SLC3A2: variants seen among roughly 807,000 people sequenced by gnomAD.
The protein encoded by SLC3A2 is amino acid transporter heavy chain SLC3A2.
A neutral mutation model predicts 48.5 loss-of-function variants in SLC3A2; 32 were observed. That is an observed-to-expected ratio of 0.66 (90% CI 0.50 to 0.89). SLC3A2 has a LOEUF of 0.89. SLC3A2 is among the 40% of genes least tolerant of loss of function. The pLI is 0.00. For missense variants in SLC3A2, 587 were observed against 680.7 expected (o/e 0.86, Z 1.53); for synonymous variants, 277 against 288.8 (o/e 0.96, Z 0.41).
At chr11:62,873,850 T>TGGGACCCC (rs2085543029) in intron 1 of SLC3A2, among the ~76,000 whole-genome samples, 2 of 148,298 alleles carry the variant, frequency 1.3e-5, no homozygotes, top group African/African-American at 2.4e-5. Flanking sequence ...TTGCCCAGGC[T>TGGGACCCC]AGAGTGCAGT....
intron 7 of SLC3A2, 82 bp from the exon 8 acceptor site, chr11:62,888,053 T>C (rs2085737575): frequency 3.1e-6 from 4 of 1,294,686 alleles, no homozygotes; most frequent in Middle Eastern, 5.2e-4. Flanking sequence ...GGCCTTGACC[T>C]CCCAGACTGC....
chr11:62,856,938 CT>C (rs1321105639), intron 1 of SLC3A2, among the ~76,000 whole-genome samples: 1 of 151,480 alleles, frequency 6.6e-6, no homozygotes, highest in Non-Finnish European at 1.5e-5. Context: ...ATTCTCCTGC[CT>C]CAGCCTCCTG....
intron 1 of SLC3A2, among the ~76,000 whole-genome samples, chr11:62,872,606 T>C (rs2085529326): frequency 6.6e-6 from 1 of 152,236 alleles, no homozygotes; most frequent in African/African-American, 2.4e-5. Flanking sequence ...AATTAACCAA[T>C]TTTTTCTTTC....
At chr11:62,871,576 G>T in intron 1 of SLC3A2, 1 of 646,412 alleles carries the variant, frequency 1.5e-6, no homozygotes, top group South Asian at 1.7e-5. Context: ...ATTATTTGTA[G>T]AGACGGGGTC....
At chr11:62,884,291 C>T in intron 3 of SLC3A2, 166 bp from the exon 4 acceptor site, 1 of 672,082 alleles carries the variant, frequency 1.5e-6, no homozygotes, top group Non-Finnish European at 2.6e-6. Context: ...TGGAGGGGTC[C>T]AAAGGCTAAG....
intron 3 of SLC3A2, chr11:62,883,245 ACCT>A: frequency 2.1e-6 from 1 of 466,046 alleles, no homozygotes; most frequent in Non-Finnish European, 3.9e-6. Flanking sequence ...CCAGGAAGGG[ACCT>A]TCTCAGAAGT....
chr11:62,888,449 T>C lies in SLC3A2; in HGVS notation c.1346T>C (p.Leu449Pro). The C allele has an allele frequency of 6.2e-7, 1 of 1,614,230 alleles. No individual in the cohort carries two copies. The highest frequency in any genetic ancestry group is 1.3e-5 in the African/African-American group (1 of 75,062). ...CACGCGTTCTCCGCTGGGCCTGGAC[T>C]CTTCTCCTATATCCGCCACTGGGAC... ...DFHAFSAGPG[L>P]FSYIRHWDQN... The change falls in exon 9 of 9, where the codon CTC becomes CCC. Residue 449 changes from leucine to proline, a missense_variant. Leu to Pro is a moderately conservative substitution (Grantham distance 98). Around this residue, in one of 3 missense-constraint regions of SLC3A2, gnomAD observed 169 missense variants for 204.4 expected, o/e 0.83. Transcript: ENST00000338663.
upstream of SLC3A2, chr11:62,876,809 C>A: frequency 1.8e-6 from 1 of 570,780 alleles, no homozygotes; most frequent in Non-Finnish European, 2.5e-6. Context: ...ACCATGTTAG[C>A]CAGGCTGATA....
In SLC3A2 at chr11:62,859,539, G is replaced by A. The variant is rs376602214; in HGVS notation, c.112+3158G>A. Among the ~76,000 whole-genome samples, 318 of 152,148 alleles carry A rather than the reference G, an allele frequency of 2.1e-3. 8 individuals carry two copies. The South Asian group carries it at 0.058, about 28-fold the overall frequency. ...TCTACTAAAAATTCAAAAATAAGCC[G>A]GGCGTGGTGTGGGTGCGGTGGCAGG... On this transcript the variant is annotated intron_variant, in intron 1 of 9. Transcript: ENST00000377889.
At chr11:62,860,352 A>G (rs1448238664) in intron 1 of SLC3A2, among the ~76,000 whole-genome samples, 1 of 151,956 alleles carries the variant, frequency 6.6e-6, no homozygotes, top group East Asian at 1.9e-4. Flanking sequence ...ATACAAAAAA[A>G]AAATTAGCCG....
At chr11:62,876,787 A>T, upstream of SLC3A2, 1 of 402,032 alleles carries the variant, frequency 2.5e-6, no homozygotes, top group Non-Finnish European at 4.1e-6. Flanking sequence ...TTTTTAGTAG[A>T]AACGGGGTTT....
At position 62,881,836 on chromosome 11, in the gene SLC3A2, G is replaced by C. The variant is rs2085643954; in HGVS notation, c.425-57G>C. The C allele has an allele frequency of 1.1e-5, 17 of 1,578,274 alleles. No individual in the cohort carries two copies. Among genetic ancestry groups the C allele is most frequent in the Non-Finnish European group, 1.5e-5 (17 of 1,155,322 alleles). On this transcript the variant is annotated intron_variant, in intron 1 of 8. Coordinates refer to ENST00000338663, the MANE Select transcript of SLC3A2 (RefSeq NM_001013251.3). This position sits in a 1 kb window ranked among gnomAD's most constrained non-coding sequence, Gnocchi z 4.0. ...CTTAGGCGCTGGGAGAAGGGAGGGTGGGGAGGTCAGGGGCCTCTCAGAGGG... is the reference window on the plus strand; with the variant it reads ...CTTAGGCGCTGGGAGAAGGGAGGGTCGGGAGGTCAGGGGCCTCTCAGAGGG...
Position 62,882,068 on chromosome 11 carries a change from T to C in SLC3A2, c.598+2T>C. 2 of 1,613,602 alleles carry C rather than the reference T, an allele frequency of 1.2e-6. No homozygotes were observed. Among genetic ancestry groups the C allele is most frequent in the Non-Finnish European group, 1.7e-6 (2 of 1,179,892 alleles). On this transcript the variant is annotated splice_donor_variant, in intron 2 of 8. Coordinates refer to ENST00000338663, the MANE Select transcript of SLC3A2 (RefSeq NM_001013251.3). LOFTEE classifies it high-confidence loss of function. ...TCTTGCAATCGGCTAAAAAAAAGAG[T>C]GGGTATCCTGGGGTTCCCAAGGAAA...
intron 2 of SLC3A2, 39 bp downstream of exon 2, chr11:62,882,105 G>A: frequency 1.2e-6 from 2 of 1,610,596 alleles, no homozygotes; most frequent in Non-Finnish European, 1.7e-6. Flanking sequence ...AGCTAGAAAG[G>A]ACTTGGCCAG....
chr11:62,881,935 AGGGCCTT>A lies in SLC3A2; in HGVS notation c.469_475del (p.Gly157CysfsTer71), dbSNP rs919613436. 1 of 1,614,064 alleles carries A rather than the reference AGGGCCTT, an allele frequency of 6.2e-7. No homozygotes were observed. Among genetic ancestry groups the A allele is most frequent in the Non-Finnish European group, 8.5e-7 (1 of 1,180,034 alleles). On this transcript the variant is annotated frameshift_variant, in exon 2 of 9. Coordinates refer to ENST00000338663, the MANE Select transcript of SLC3A2 (RefSeq NM_001013251.3). LOFTEE classifies it high-confidence loss of function. The surrounding 1 kb of genome is among the most constrained non-coding windows in gnomAD (Gnocchi z 4.0). ...GATTACCTGAGCTCTCTGAAGGTGA[AGGGCCTT>A]GTGCTGGGTCCAATTCACAAGAACC...
At chr11:62,865,561 C>CAAAAA (rs35320203) in intron 1 of SLC3A2, among the ~76,000 whole-genome samples, 5 of 86,840 alleles carry the variant, frequency 5.8e-5, no homozygotes, top group Non-Finnish European at 6.1e-5. Context: ...GTCTCCCCCA[C>CAAAAA]AAAAAAAAAA....
At chr11:62,859,618 G>A (rs934372834) in intron 1 of SLC3A2, among the ~76,000 whole-genome samples, 12 of 151,988 alleles carry the variant, frequency 7.9e-5, no homozygotes, top group Non-Finnish European at 1.5e-4. Context: ...GGTTGAACCC[G>A]GGAGGTGGAA....
At chr11:62,878,822 T>G (rs979368701), upstream of SLC3A2, among the ~76,000 whole-genome samples, 8 of 151,216 alleles carry the variant, frequency 5.3e-5, no homozygotes, top group African/African-American at 1.7e-4. Context: ...TCACCCAGGC[T>G]GGAGTGCAGC....
At chr11:62,862,996 A>T (rs373764520) in intron 1 of SLC3A2, among the ~76,000 whole-genome samples, 69 of 152,234 alleles carry the variant, frequency 4.5e-4, no homozygotes, top group African/African-American at 1.6e-3. Flanking sequence ...ATCTCAGTTC[A>T]CTGCAACCTC....
Sources: allele counts gnomAD v4.1 joint callset (sites outside exome capture counted in the v4.1 genomes callset), GRCh38; gene constraint gnomAD v4.1.1; regional missense constraint gnomAD v4.1.1; non-coding constraint Gnocchi (gnomAD v3.1); transcripts MANE v1.5; gene names NCBI Gene and HGNC (gene_info 2026-07-23, HGNC 2026-07-21).